The following SFSWAP variants were observed in gnomAD, a reference collection of about 807,000 sequenced individuals.
The protein encoded by SFSWAP is splicing factor SWAP, also known as splicing factor, suppressor of white-apricot homolog.
Under a neutral mutation model 100.7 loss-of-function variants are expected in SFSWAP, and 17 were observed. That is an observed-to-expected ratio of 0.17 (90% CI 0.12 to 0.25). The LOEUF (loss-of-function observed/expected upper bound fraction) is 0.25, where lower values mean the gene tolerates loss of function less well. Ranked by LOEUF, SFSWAP falls within the 10% of genes least tolerant of loss-of-function variation. The pLI is 1.00. For synonymous variants in SFSWAP, 504 were observed against 510.1 expected (o/e 0.99, Z 0.16); for missense variants, 1,005 against 1,262.6 (o/e 0.80, Z 3.09).
At chr12:131,736,006 A>T (rs1043338423) in intron 7 of SFSWAP, among the ~76,000 whole-genome samples, 8 of 152,224 alleles carry the variant, frequency 5.3e-5, no homozygotes, top group African/African-American at 1.9e-4. Context: ...TTCTGAAGAG[A>T]CGCGCCTTCT....
rs1877314430 is a variant in SFSWAP, at chr12:131,711,365, C to T, written c.136C>T (p.Arg46Trp). The T allele has an allele frequency of 1.2e-6, 2 of 1,613,876 alleles. No individual in the cohort carries two copies. The highest frequency in any genetic ancestry group is 1.7e-5 in the Admixed American group (1 of 60,004). Residue 46 changes from arginine to tryptophan, a missense_variant, in exon 1 of 18, where the codon CGG becomes TGG. Physicochemically the swap from Arg to Trp is moderately radical, Grantham distance 101. Transcript: ENST00000261674. The surrounding 1 kb of genome is among the most constrained non-coding windows in gnomAD (Gnocchi z 4.9). ...LVFGYACKLF[R>W]DDERALAQEQ... Reference sequence around the variant, plus strand: ...TTTCGGCTATGCCTGCAAGCTGTTCCGGGACGACGAGCGGGCCCTGGCTCA... The same window carrying T: ...TTTCGGCTATGCCTGCAAGCTGTTCTGGGACGACGAGCGGGCCCTGGCTCA...
intron 11 of SFSWAP, among the ~76,000 whole-genome samples, chr12:131,759,691 C>T (rs1189825840): frequency 2.0e-5 from 3 of 151,750 alleles, no homozygotes; most frequent in African/African-American, 7.3e-5. Flanking sequence ...GTCCCAGCTA[C>T]TCGGAGAGGC....
intron 4 of SFSWAP, among the ~76,000 whole-genome samples, chr12:131,721,765 G>A (rs149298741): frequency 7.2e-4 from 109 of 152,322 alleles, no homozygotes; most frequent in African/African-American, 2.6e-3. Flanking sequence ...GGAGAGCAAA[G>A]TAAGTCTTAG....
At chr12:131,780,223 T>C (rs58521369) in intron 14 of SFSWAP, among the ~76,000 whole-genome samples, 2,437 of 152,374 alleles carry the variant, frequency 0.016, 68 homozygotes, top group African/African-American at 0.053. Context: ...TTTAAACGTT[T>C]CATCACTTCA....
intron 7 of SFSWAP, among the ~76,000 whole-genome samples, chr12:131,742,593 A>T (rs558392205): frequency 6.6e-6 from 1 of 151,880 alleles, no homozygotes; most frequent in Non-Finnish European, 1.5e-5. Context: ...TCCCTAATCC[A>T]ATTTGGTGAT....
At chr12:131,717,886 A>G (rs1878079085) in intron 3 of SFSWAP, among the ~76,000 whole-genome samples, 1 of 152,120 alleles carries the variant, frequency 6.6e-6, no homozygotes, top group Non-Finnish European at 1.5e-5. Flanking sequence ...GCCCGCCACC[A>G]CAACTGGCTA....
chr12:131,767,991 A>G (rs1184478066), intron 13 of SFSWAP, among the ~76,000 whole-genome samples: 1 of 152,262 alleles, frequency 6.6e-6, no homozygotes, highest in African/African-American at 2.4e-5. Flanking sequence ...CCTTCAAAAA[A>G]TTGGAAAGAA....
At chr12:131,758,811 G>A (rs1268783076) in intron 11 of SFSWAP, among the ~76,000 whole-genome samples, 1 of 152,224 alleles carries the variant, frequency 6.6e-6, no homozygotes, top group Admixed American at 6.5e-5. Context: ...GCCGGGCATG[G>A]TGGCACATGC....
At chr12:131,785,174 C>T (rs1409185293) in intron 14 of SFSWAP, 17 of 1,535,700 alleles carry the variant, frequency 1.1e-5, no homozygotes, top group Non-Finnish European at 1.5e-5. Context: ...GCCTCGACCA[C>T]CACCAGATTT....
chr12:131,786,534 C>A lies in SFSWAP; in HGVS notation c.2480C>A (p.Thr827Asn). The change falls in exon 15 of 18, where the codon ACT becomes AAT. Residue 827 changes from threonine to asparagine, a missense_variant. Physicochemically the swap from Thr to Asn is moderately conservative, Grantham distance 65. This residue lies in a region of SFSWAP where 295 missense variants were observed against 347.9 expected (regional missense o/e 0.85). Coordinates refer to ENST00000261674, the MANE Select transcript of SFSWAP (RefSeq NM_004592.4). ...CGGAGGGAAGAGAGGAGTGTGCCCACTGCCTACCGCGTGAGCCGCAGCCCT... is the reference window on the plus strand; with the variant it reads ...CGGAGGGAAGAGAGGAGTGTGCCCAATGCCTACCGCGTGAGCCGCAGCCCT... The part of the protein sequence containing the change: ...ERRREERSVP[T>N]AYRVSRSPGA... 1 of 1,587,130 alleles carries A rather than the reference C, an allele frequency of 6.3e-7. No homozygotes were observed. The highest frequency in any genetic ancestry group is 8.6e-7 in the Non-Finnish European group (1 of 1,167,784).
In SFSWAP at chr12:131,754,352, G is replaced by C; in HGVS notation, c.1323-16G>C. ...GCCCCTGAAGCCCAGGGGTCTCACA[G>C]ACTCTTCTCCTGCAGTGCACTTGCC... On this transcript the variant is annotated splice_polypyrimidine_tract_variant and intron_variant, in intron 8 of 17. Coordinates refer to ENST00000261674, the MANE Select transcript of SFSWAP (RefSeq NM_004592.4). The C allele has an allele frequency of 1.3e-6, 2 of 1,519,440 alleles. No homozygotes were observed. Among genetic ancestry groups the C allele is most frequent in the South Asian group, 1.3e-5 (1 of 77,126 alleles). The allele number at this position is 1,519,440 out of a possible 1,614,324, so 94.1% of individuals were successfully genotyped here.
intron 3 of SFSWAP, among the ~76,000 whole-genome samples, chr12:131,718,842 T>C (rs184290451): frequency 3.9e-5 from 6 of 152,274 alleles, no homozygotes; most frequent in African/African-American, 1.4e-4. Context: ...GGTAGAGATG[T>C]TCACATGGGC....
chr12:131,766,689 T>TCCTAAGGAGCGA (rs1883148218), intron 13 of SFSWAP, among the ~76,000 whole-genome samples: 1 of 152,164 alleles, frequency 6.6e-6, no homozygotes, highest in African/African-American at 2.4e-5. Flanking sequence ...CGCTCACACG[T>TCCTAAGGAGCGA]GGGGCAGAAA....
intron 11 of SFSWAP, chr12:131,757,159 G>A (rs766358125): frequency 2.3e-4 from 36 of 154,054 alleles, no homozygotes; most frequent in Non-Finnish European, 4.6e-4. Flanking sequence ...AAAGGCCAGA[G>A]CAGGCCCTTA....
chr12:131,770,258 G>A (rs1244048138), intron 13 of SFSWAP, among the ~76,000 whole-genome samples: 9 of 152,186 alleles, frequency 5.9e-5, no homozygotes, highest in Non-Finnish European at 1.5e-5. Flanking sequence ...AGTCCAGGAG[G>A]ACTTGAGACA....
In SFSWAP at chr12:131,753,049, T is replaced by C. The variant is rs1424000469; in HGVS notation, c.1082-74T>C. ...CTGCATCTTGCCGGGGGAAGGGCTC[T>C]TGTGGCTGCATTGTGGACTCATGGA... On this transcript the variant is annotated intron_variant, in intron 7 of 17. Coordinates refer to ENST00000261674, the MANE Select transcript of SFSWAP (RefSeq NM_004592.4). 9 of 1,580,994 alleles carry C rather than the reference T, an allele frequency of 5.7e-6. No individual in the cohort carries two copies. The Admixed American group carries it at 1.2e-4, about 21-fold the overall frequency.
In SFSWAP at chr12:131,755,430, A is replaced by G. The variant is rs1475631340; in HGVS notation, c.1499A>G (p.Glu500Gly). 1 of 1,613,882 alleles carries G rather than the reference A, an allele frequency of 6.2e-7. No individual in the cohort carries two copies. Among genetic ancestry groups the G allele is most frequent in the Non-Finnish European group, 8.5e-7 (1 of 1,179,906 alleles). The change falls in exon 10 of 18, where the codon GAG becomes GGG. Residue 500 changes from glutamate (E) to glycine (G), a missense_variant. Coordinates refer to ENST00000261674, the MANE Select transcript of SFSWAP (RefSeq NM_004592.4). ...TGGCACCAGTATAATGCTTATTATG[A>G]GTTTAAGAAGCAGTTCTTCCTCCAG... ...QPWHQYNAYY[E>G]FKKQFFLQKE...
At chr12:131,717,605 A>T (rs1452057230) in intron 3 of SFSWAP, among the ~76,000 whole-genome samples, 28 of 152,216 alleles carry the variant, frequency 1.8e-4, no homozygotes, top group Non-Finnish European at 1.5e-5. Context: ...CCAAAAAGCT[A>T]TTTCAATTAA....
chr12:131,754,116 G>A (rs1169203999), intron 8 of SFSWAP, among the ~76,000 whole-genome samples: 2 of 152,042 alleles, frequency 1.3e-5, no homozygotes, highest in Admixed American at 6.6e-5. Flanking sequence ...GTGATTGGGG[G>A]GAAATGTTAA....
Sources: gnomAD v4.1 joint callset for allele counts (sites outside exome capture counted in the v4.1 genomes callset) on GRCh38, gnomAD v4.1.1 for gene constraint, gnomAD v4.1.1 regional missense constraint, Gnocchi (gnomAD v3.1) non-coding constraint, MANE v1.5 for transcripts, NCBI Gene and HGNC (gene_info 2026-07-23, HGNC 2026-07-21) for gene names.